SLC15A5: variants seen among roughly 807,000 people sequenced by gnomAD.
The protein encoded by SLC15A5 is solute carrier family 15 member 5, also known as Peptide/histidine transporter ENSP00000340402.
A neutral mutation model predicts 56.1 loss-of-function variants in SLC15A5; 58 were observed. The observed-to-expected ratio is 1.03, with a 90% CI of 0.84 to 1.29. The LOEUF (loss-of-function observed/expected upper bound fraction) is 1.29, where lower values mean the gene tolerates loss of function less well. Ranked by LOEUF, SLC15A5 falls within the 50% of genes most tolerant of loss-of-function variation. SLC15A5 has a pLI of 0.00. For missense variants in SLC15A5, 681 were observed against 672.1 expected (o/e 1.01, Z -0.15); for synonymous variants, 264 against 250.5 (o/e 1.05, Z -0.51).
intron 2 of SLC15A5, among the ~76,000 whole-genome samples, chr12:16,272,332 G>A (rs1172462892): frequency 6.6e-6 from 1 of 152,092 alleles, no homozygotes. Flanking sequence ...TTTTTACCTG[G>A]AGGATAAATG....
chr12:16,206,885 G>T (rs1332830814), intron 7 of SLC15A5, among the ~76,000 whole-genome samples: 1 of 152,128 alleles, frequency 6.6e-6, no homozygotes, highest in Non-Finnish European at 1.5e-5. Flanking sequence ...GTGATATTTG[G>T]CATAACTAGC....
intron 4 of SLC15A5, 108 bp downstream of exon 4, chr12:16,244,471 GC>G (rs1302586829): frequency 6.2e-6 from 6 of 974,646 alleles, no homozygotes; most frequent in Non-Finnish European, 7.7e-6. Context: ...ATAACTGCCT[GC>G]CGACATATAT....
rs1176349253 is a variant in SLC15A5, at chr12:16,271,468, T to C, written c.584+1093A>G. 1.3e-5 allele frequency among the ~76,000 whole-genome samples: 2 copies of C among 152,022 alleles called. No individual in the cohort carries two copies. The highest frequency in any genetic ancestry group is 2.4e-5 in the African/African-American group (1 of 41,386). Reference sequence around the variant, plus strand: ...GAATTTGCTGCAAGGAAGTAAAGAGTCCCTTCTACCTTTGGTAAGACTGCA... The same window carrying C: ...GAATTTGCTGCAAGGAAGTAAAGAGCCCCTTCTACCTTTGGTAAGACTGCA... On this transcript the variant is annotated intron_variant, in intron 2 of 8. Transcript: ENST00000344941. This position sits in a 1 kb window ranked among gnomAD's most constrained non-coding sequence, Gnocchi z 8.0.
chr12:16,210,463 A>C (rs1360775294), intron 7 of SLC15A5, among the ~76,000 whole-genome samples: 1 of 152,220 alleles, frequency 6.6e-6, no homozygotes, highest in East Asian at 1.9e-4. Context: ...TCATATCTAT[A>C]ATACATCTAG....
intron 2 of SLC15A5, among the ~76,000 whole-genome samples, chr12:16,268,599 T>C (rs910814191): frequency 6.6e-6 from 1 of 152,236 alleles, no homozygotes; most frequent in Non-Finnish European, 1.5e-5. Flanking sequence ...TTATATTTTT[T>C]TCTCTCTCTT....
At chr12:16,248,982 T>A (rs563651907) in intron 3 of SLC15A5, among the ~76,000 whole-genome samples, 34 of 152,202 alleles carry the variant, frequency 2.2e-4, no homozygotes, top group South Asian at 8.3e-4. Context: ...TACTATTTTT[T>A]AAAAAACTTT....
At chr12:16,257,410 C>T (rs1186417000) in intron 3 of SLC15A5, among the ~76,000 whole-genome samples, 2 of 152,018 alleles carry the variant, frequency 1.3e-5, no homozygotes, top group African/African-American at 4.8e-5. Flanking sequence ...TAAGATATTC[C>T]ATTATTAAAA....
chr12:16,267,229 G>A lies in SLC15A5; in HGVS notation c.584+5332C>T, dbSNP rs556661729. ...ATATTCCAGAGAAAGTATTTTATTCGACATTGATCAATGTTCAGATAATTT... is the reference window on the plus strand; with the variant it reads ...ATATTCCAGAGAAAGTATTTTATTCAACATTGATCAATGTTCAGATAATTT... On this transcript the variant is annotated intron_variant, in intron 2 of 8. Transcript: ENST00000344941. Among the ~76,000 whole-genome samples the A allele has an allele frequency of 1.7e-4, 8 of 47,860 alleles. 3 individuals carry two copies. The highest frequency in any genetic ancestry group is 2.6e-4 in the Non-Finnish European group (6 of 22,762). The allele number at this position is 47,860 out of a possible 152,430, so 31.4% of individuals were successfully genotyped here.
chr12:16,256,870 A>T (rs1864579660), intron 3 of SLC15A5, among the ~76,000 whole-genome samples: 1 of 141,916 alleles, frequency 7.0e-6, no homozygotes, highest in Non-Finnish European at 1.5e-5. Flanking sequence ...AAAAAAAAAA[A>T]TAATAATAAT....
chr12:16,258,223 T>C (rs867496401), intron 2 of SLC15A5, among the ~76,000 whole-genome samples: 2 of 152,182 alleles, frequency 1.3e-5, no homozygotes, highest in African/African-American at 4.8e-5. Flanking sequence ...AAAGAAGCTA[T>C]AGACAACACT....
rs1467526298 is a variant in SLC15A5 at position 16,277,450 on chromosome 12, G to A, written c.236C>T (p.Ala79Val). The A allele has an allele frequency of 1.3e-6, 2 of 1,536,426 alleles. No homozygotes were observed. The highest frequency in any genetic ancestry group is 1.4e-5 in the African/African-American group (1 of 72,976). ...AATAAAACACAAGTTTAAGATGGCT[G>A]CTTGGCAATTGTGATAGCCAAGCTT... Reference protein sequence around the residue: ...TIKLGYHNCQAAILNLCFIGT... With the variant: ...TIKLGYHNCQVAILNLCFIGT... The change falls in exon 1 of 9, where the codon GCA becomes GTA. Residue 79 changes from alanine to valine, a missense_variant. Ala to Val is a moderately conservative substitution (Grantham distance 64). Coordinates refer to ENST00000344941, the MANE Select transcript of SLC15A5 (RefSeq NM_001170798.1).
chr12:16,205,613 A>G (rs1864011552), intron 7 of SLC15A5, among the ~76,000 whole-genome samples: 1 of 116,376 alleles, frequency 8.6e-6, no homozygotes, highest in African/African-American at 3.1e-5. Flanking sequence ...ACACACACAT[A>G]TATATACACA....
intron 8 of SLC15A5, among the ~76,000 whole-genome samples, chr12:16,192,469 C>T (rs146266115): frequency 1.7e-4 from 26 of 152,188 alleles, no homozygotes; most frequent in East Asian, 7.7e-4. Flanking sequence ...CTGCACTCCA[C>T]GCCACTATTT....
intron 2 of SLC15A5, 68 bp from the exon 3 acceptor site, chr12:16,257,938 A>T: frequency 7.9e-7 from 1 of 1,259,526 alleles, no homozygotes; most frequent in South Asian, 2.5e-5. Flanking sequence ...TGCTAATTTT[A>T]ATGCTTCTAA....
intron 5 of SLC15A5, among the ~76,000 whole-genome samples, chr12:16,231,297 C>A (rs1371307130): frequency 1.3e-5 from 2 of 152,016 alleles, no homozygotes; most frequent in Admixed American, 6.6e-5. Context: ...TTTTCTTTCT[C>A]ATTCTAGTTA....
At chr12:16,250,267 G>C (rs1864506910) in intron 3 of SLC15A5, among the ~76,000 whole-genome samples, 1 of 151,948 alleles carries the variant, frequency 6.6e-6, no homozygotes, top group Non-Finnish European at 1.5e-5. Flanking sequence ...TTCTAATTGT[G>C]TTTATAAATA....
At chr12:16,274,677 G>A (rs1044250913) in intron 1 of SLC15A5, among the ~76,000 whole-genome samples, 3 of 152,058 alleles carry the variant, frequency 2.0e-5, no homozygotes, top group African/African-American at 7.2e-5. Flanking sequence ...CTACCACTTA[G>A]TCTTCTCTTC....
At chr12:16,204,244 T>C (rs747655313) in intron 7 of SLC15A5, among the ~76,000 whole-genome samples, 10 of 151,904 alleles carry the variant, frequency 6.6e-5, no homozygotes, top group Non-Finnish European at 1.5e-4. Flanking sequence ...TCACTTGAGG[T>C]CAGGAGTTTG....
At chr12:16,251,526 G>A (rs985799766) in intron 3 of SLC15A5, among the ~76,000 whole-genome samples, 4 of 151,670 alleles carry the variant, frequency 2.6e-5, no homozygotes, top group African/African-American at 7.3e-5. Context: ...GAAATAAAAA[G>A]GATTATAGAG....
Sources: allele counts gnomAD v4.1 joint callset (sites outside exome capture counted in the v4.1 genomes callset), GRCh38; gene constraint gnomAD v4.1.1; non-coding constraint Gnocchi (gnomAD v3.1); transcripts MANE v1.5; gene names NCBI Gene and HGNC (gene_info 2026-07-23, HGNC 2026-07-21).